TBC1D32: variants seen among roughly 807,000 people sequenced by gnomAD.
TBC1D32 encodes TBC1 domain family member 32.
Under a neutral mutation model 170.3 loss-of-function variants are expected in TBC1D32, and 151 were observed. The ratio of observed to expected loss-of-function variants is 0.89; its 90% CI spans 0.78 to 1.01. The LOEUF (loss-of-function observed/expected upper bound fraction) is 1.01, where lower values mean the gene tolerates loss of function less well. Ranked by LOEUF, TBC1D32 falls within the 50% of genes least tolerant of loss-of-function variation. The pLI, the probability that TBC1D32 is intolerant of heterozygous loss-of-function variation, is 0.00. For missense variants in TBC1D32, 1,464 were observed against 1,457.1 expected (o/e 1.00, Z -0.08); for synonymous variants, 498 against 488.0 (o/e 1.02, Z -0.27).
At chr6:121,115,080 G>T (rs1466849684) in intron 27 of TBC1D32, 92 bp downstream of exon 27, 3 of 911,964 alleles carry the variant, frequency 3.3e-6, no homozygotes, top group Non-Finnish European at 4.8e-6. Flanking sequence ...ATACAAAATA[G>T]TTGGTTGTTA....
chr6:121,317,479 A>T lies in TBC1D32; in HGVS notation c.495+16T>A, dbSNP rs753947476. ...AACAGCATTTCAAGACATAAATGCA[A>T]AACTGAACAACACACCTGATTCAAT... On this transcript the variant is annotated intron_variant, in intron 3 of 31. Transcript: ENST00000398212. The T allele has an allele frequency of 6.5e-7, 1 of 1,536,980 alleles. No individual in the cohort carries two copies. Among genetic ancestry groups the T allele is most frequent in the Non-Finnish European group, 8.8e-7 (1 of 1,142,688 alleles).
intron 24 of TBC1D32, among the ~76,000 whole-genome samples, chr6:121,156,274 T>C (rs1417036510): frequency 6.6e-6 from 1 of 152,016 alleles, no homozygotes; most frequent in Non-Finnish European, 1.5e-5. Flanking sequence ...ATCAATATCC[T>C]ATAGACTTTC....
intron 21 of TBC1D32, among the ~76,000 whole-genome samples, chr6:121,218,701 A>G (rs117694581): frequency 0.024 from 3,665 of 152,232 alleles, 166 homozygotes; most frequent in East Asian, 0.12. Flanking sequence ...ATATCCTATT[A>G]GTTCTGTCCC....
At chr6:121,321,082 T>C (rs989939557) in intron 2 of TBC1D32, among the ~76,000 whole-genome samples, 6 of 152,204 alleles carry the variant, frequency 3.9e-5, no homozygotes, top group South Asian at 2.1e-4. Context: ...CTTAAACATA[T>C]ATATAGCTCA....
intron 25 of TBC1D32, among the ~76,000 whole-genome samples, chr6:121,130,363 TC>T (rs2128216592): frequency 6.6e-6 from 1 of 152,160 alleles, no homozygotes; most frequent in Non-Finnish European, 1.5e-5. Context: ...GCGCCTGTAA[TC>T]CCAGCTACTC....
intron 20 of TBC1D32, among the ~76,000 whole-genome samples, chr6:121,233,310 A>C (rs1264724815): frequency 1.3e-5 from 2 of 152,108 alleles, no homozygotes; most frequent in African/African-American, 4.8e-5. Flanking sequence ...ATGGAGTATT[A>C]AAGTTCCACA....
intron 19 of TBC1D32, among the ~76,000 whole-genome samples, chr6:121,241,126 G>A (rs892295291): frequency 1.3e-5 from 2 of 152,072 alleles, no homozygotes; most frequent in South Asian, 4.1e-4. Context: ...TATCAGATGG[G>A]ACTGTACTGA....
At chr6:121,258,489 GA>G (rs1254302104) in intron 15 of TBC1D32, among the ~76,000 whole-genome samples, 3 of 150,736 alleles carry the variant, frequency 2.0e-5, no homozygotes, top group African/African-American at 7.3e-5. Flanking sequence ...ACAGCAAGAT[GA>G]GTCCAAAGTC....
chr6:121,177,817 A>G (rs1424523577), intron 22 of TBC1D32, among the ~76,000 whole-genome samples: 1 of 152,206 alleles, frequency 6.6e-6, no homozygotes, highest in African/African-American at 2.4e-5. Context: ...AAGTATTTCA[A>G]AATCTGCAAT....
At chr6:121,303,532 A>G (rs1806800325) in intron 9 of TBC1D32, 85 bp downstream of exon 9, 1 of 1,101,324 alleles carries the variant, frequency 9.1e-7, no homozygotes, top group Non-Finnish European at 1.2e-6. Flanking sequence ...TAGAACTCTT[A>G]GCACACAGTA....
intron 31 of TBC1D32, 78 bp from the exon 32 acceptor site, chr6:121,080,968 A>C: frequency 6.6e-7 from 1 of 1,521,422 alleles, no homozygotes; most frequent in Non-Finnish European, 8.9e-7. Flanking sequence ...TAAATAATTG[A>C]TATACCATTT....
intron 30 of TBC1D32, among the ~76,000 whole-genome samples, chr6:121,102,505 A>G (rs1282690011): frequency 6.6e-6 from 1 of 152,198 alleles, no homozygotes; most frequent in Non-Finnish European, 1.5e-5. Flanking sequence ...TCCCTATTTA[A>G]TAAATGGTGC....
intron 23 of TBC1D32, 149 bp downstream of exon 23, chr6:121,160,799 T>A (rs1785527086): frequency 6.0e-6 from 4 of 667,230 alleles, no homozygotes; most frequent in Non-Finnish European, 1.1e-5. Context: ...TTGAAAGTAT[T>A]TATTTGCATC....
At chr6:121,288,284 G>A (rs1336962853) in intron 12 of TBC1D32, among the ~76,000 whole-genome samples, 7 of 151,770 alleles carry the variant, frequency 4.6e-5, no homozygotes, top group Non-Finnish European at 1.0e-4. Context: ...AAAGAGAGAA[G>A]AATCAAATAG....
intron 1 of TBC1D32, among the ~76,000 whole-genome samples, chr6:121,333,885 G>T (rs1294818491): frequency 6.6e-6 from 1 of 151,900 alleles, no homozygotes; most frequent in Non-Finnish European, 1.5e-5. Context: ...TAGCCCACAT[G>T]GTGAAACACC....
intron 24 of TBC1D32, among the ~76,000 whole-genome samples, chr6:121,149,212 G>A (rs1018226784): frequency 6.6e-6 from 1 of 152,094 alleles, no homozygotes; most frequent in Admixed American, 6.5e-5. Context: ...TAGGTTGCCT[G>A]TTCACTCTGA....
chr6:121,198,048 T>G lies in TBC1D32; in HGVS notation c.2570+7027A>C, dbSNP rs1050311740. Among the ~76,000 whole-genome samples, 7 of 151,022 alleles carry G rather than the reference T, an allele frequency of 4.6e-5. 1 individual carries two copies. The highest frequency in any genetic ancestry group is 7.4e-5 in the African/African-American group (3 of 40,592). On this transcript the variant is annotated intron_variant, in intron 22 of 31. Coordinates refer to ENST00000398212, the MANE Select transcript of TBC1D32 (RefSeq NM_152730.6). ...CCTTGAACATTGGACTCCAAGTTCT[T>G]CAGTTTTGAGAGTTGGACCGGCTCT... is the stretch of plus-strand genomic sequence containing the variant.
intron 15 of TBC1D32, among the ~76,000 whole-genome samples, chr6:121,267,051 A>G (rs1800600588): frequency 6.6e-6 from 1 of 151,254 alleles, no homozygotes; most frequent in Admixed American, 6.6e-5. Flanking sequence ...TGTTCTGCAC[A>G]TGTATCCTGG....
intron 5 of TBC1D32, among the ~76,000 whole-genome samples, chr6:121,307,668 C>T (rs932466490): frequency 1.2e-4 from 18 of 151,904 alleles, no homozygotes; most frequent in Admixed American, 2.0e-4. Context: ...GAGACCAGCC[C>T]GGCCAACATG....
Sources: gnomAD v4.1 joint callset for allele counts (sites outside exome capture counted in the v4.1 genomes callset) on GRCh38, gnomAD v4.1.1 for gene constraint, MANE v1.5 for transcripts, NCBI Gene and HGNC (gene_info 2026-07-23, HGNC 2026-07-21) for gene names.